Variants in DCAF8L2 observed in about 807,000 individuals in gnomAD.
DCAF8L2 encodes the protein DDB1 and CUL4 associated factor 8 like 2.
For missense variants in DCAF8L2, 430 were observed against 490.7 expected (o/e 0.88, Z 1.17); for synonymous variants, 200 against 190.9 (o/e 1.05, Z -0.39).
At chrX:27,480,035 T>C in the DCAF8L2 span, among the ~76,000 whole-genome samples, 8 of 112,442 alleles carry the variant, frequency 7.1e-5, no homozygotes, top group African/African-American at 3.2e-5. Context: ...AAGCTCATGG[T>C]CTCCAAACAT....
At chrX:27,495,830 T>C in the DCAF8L2 span, among the ~76,000 whole-genome samples, 2 of 112,384 alleles carry the variant, frequency 1.8e-5, no homozygotes, top group East Asian at 5.6e-4. Context: ...TGATATTCAC[T>C]CCATGTCTTT....
intron 3 of DCAF8L2, among the ~76,000 whole-genome samples, chrX:27,706,248 T>A (rs1255977501): frequency 9.0e-6 from 1 of 111,120 alleles, no homozygotes; most frequent in Non-Finnish European, 1.9e-5. Flanking sequence ...AGTTTCTTTA[T>A]GATTATTATT....
chrX:27,691,326 T>C (rs1003638988), intron 3 of DCAF8L2, among the ~76,000 whole-genome samples: 1 of 111,723 alleles, frequency 9.0e-6, no homozygotes, highest in African/African-American at 3.2e-5. Context: ...TGAGAGATAA[T>C]GCTGTTTCCT....
At chrX:27,738,352 C>T (rs1335574754) in intron 4 of DCAF8L2, among the ~76,000 whole-genome samples, 3 of 111,681 alleles carry the variant, frequency 2.7e-5, no homozygotes, top group African/African-American at 9.8e-5. Flanking sequence ...ACTTGCAGGC[C>T]TAGTTGAACA....
intron 4 of DCAF8L2, among the ~76,000 whole-genome samples, chrX:27,744,614 A>G (rs1240772410): frequency 9.0e-6 from 1 of 111,613 alleles, no homozygotes; most frequent in Non-Finnish European, 1.9e-5. Context: ...GAAAAGCACA[A>G]TTAAAAGCTA....
the DCAF8L2 span, among the ~76,000 whole-genome samples, chrX:27,522,175 G>A: frequency 9.0e-6 from 1 of 111,470 alleles, no homozygotes; most frequent in Admixed American, 9.6e-5. Context: ...TTACAGGCGT[G>A]AACCACCAGG....
At chrX:27,507,937 G>A in the DCAF8L2 span, among the ~76,000 whole-genome samples, 2 of 111,562 alleles carry the variant, frequency 1.8e-5, no homozygotes, top group African/African-American at 6.5e-5. Flanking sequence ...CTCAGGTACT[G>A]TAAGATACAA....
At chrX:27,534,715 G>T in the DCAF8L2 span, among the ~76,000 whole-genome samples, 1 of 111,898 alleles carries the variant, frequency 8.9e-6, no homozygotes, top group Non-Finnish European at 1.9e-5. Flanking sequence ...TTTCCCTAGG[G>T]TTTCTGGTCT....
intron 1 of DCAF8L2, among the ~76,000 whole-genome samples, chrX:27,606,358 AATAT>A (rs200718182): frequency 1.9e-3 from 77 of 39,756 alleles, no homozygotes; most frequent in African/African-American, 2.6e-3. Context: ...TATATCTAGG[AATAT>A]ATATATATAT....
At chrX:27,677,550 A>G (rs375316099) in intron 2 of DCAF8L2, among the ~76,000 whole-genome samples, 1 of 111,312 alleles carries the variant, frequency 9.0e-6, no homozygotes, top group East Asian at 2.8e-4. Context: ...CAAGTAGGAA[A>G]CAATTAATTA....
chrX:27,644,221 T>C (rs931402632), intron 2 of DCAF8L2, among the ~76,000 whole-genome samples: 1 of 112,573 alleles, frequency 8.9e-6, no homozygotes, highest in Non-Finnish European at 1.9e-5. Flanking sequence ...ATAGCATGCA[T>C]TTGTGTACCA....
intron 1 of DCAF8L2, among the ~76,000 whole-genome samples, chrX:27,616,322 A>C: frequency 9.0e-6 from 1 of 110,704 alleles, no homozygotes; most frequent in African/African-American, 3.3e-5. Context: ...AAGTACATTA[A>C]GTTTTTTGAC....
At chrX:27,566,125 C>A in the DCAF8L2 span, among the ~76,000 whole-genome samples, 1 of 109,679 alleles carries the variant, frequency 9.1e-6, no homozygotes, top group Non-Finnish European at 1.9e-5. Context: ...CTCCCGCCCC[C>A]CCGACCCTGT....
the DCAF8L2 span, among the ~76,000 whole-genome samples, chrX:27,493,943 C>A: frequency 9.0e-6 from 1 of 110,738 alleles, no homozygotes; most frequent in Non-Finnish European, 1.9e-5. Flanking sequence ...AATTTTGTTC[C>A]TTTCTAATGT....
chrX:27,610,744 G>A (rs1569159185), intron 1 of DCAF8L2, among the ~76,000 whole-genome samples: 1 of 112,059 alleles, frequency 8.9e-6, no homozygotes, highest in Non-Finnish European at 1.9e-5. Context: ...TACAAGGATT[G>A]TGGTCCCCAC....
the DCAF8L2 span, among the ~76,000 whole-genome samples, chrX:27,484,099 G>A: frequency 1.8e-5 from 2 of 111,382 alleles, no homozygotes; most frequent in South Asian, 7.5e-4. Flanking sequence ...GAGTATCTTA[G>A]CATTGCAGAT....
intron 1 of DCAF8L2, among the ~76,000 whole-genome samples, chrX:27,606,220 C>T (rs973492562): frequency 3.4e-5 from 2 of 59,266 alleles, no homozygotes; most frequent in African/African-American, 2.0e-4. Context: ...GTTTTTAATT[C>T]CTAGATACAA....
At chrX:27,727,869 G>C (rs1487736088) in intron 4 of DCAF8L2, among the ~76,000 whole-genome samples, 1 of 111,036 alleles carries the variant, frequency 9.0e-6, no homozygotes, top group Non-Finnish European at 1.9e-5. Flanking sequence ...ACGAGATTTT[G>C]GATATGTTTA....
chrX:27,698,420 T>C (rs1010096528), intron 3 of DCAF8L2, among the ~76,000 whole-genome samples: 2 of 111,525 alleles, frequency 1.8e-5, no homozygotes, highest in Non-Finnish European at 1.9e-5. Flanking sequence ...ACCAGAGAAC[T>C]TGTAGGACTG....
Sources: allele counts gnomAD v4.1 joint callset (sites outside exome capture counted in the v4.1 genomes callset), GRCh38; gene constraint gnomAD v4.1.1; transcripts MANE v1.5; gene names NCBI Gene and HGNC (gene_info 2026-07-23, HGNC 2026-07-21).